The following ETV6 variants were observed in gnomAD, a reference collection of about 807,000 sequenced individuals.
The protein encoded by ETV6 is ETS variant transcription factor 6.
Under a neutral mutation model 51.1 loss-of-function variants are expected in ETV6, and 16 were observed. The ratio of observed to expected loss-of-function variants is 0.31; its 90% confidence interval spans 0.21 to 0.48. The LOEUF (loss-of-function observed/expected upper bound fraction) is 0.48, where lower values mean the gene tolerates loss of function less well. Ranked by LOEUF, ETV6 falls within the 20% of genes least tolerant of loss-of-function variation. The pLI is 0.99. For missense variants in ETV6, 458 were observed against 594.8 expected (o/e 0.77, Z 2.39); for synonymous variants, 240 against 224.1 (o/e 1.07, Z -0.64).
chr12:11,768,838 A>G (rs1945200460), intron 2 of ETV6: 2 of 444,752 alleles, frequency 4.5e-6, no homozygotes, highest in Non-Finnish European at 9.0e-6. Context: ...AAATCTGCCT[A>G]CCACATTCCA....
intron 1 of ETV6, among the ~76,000 whole-genome samples, chr12:11,664,973 G>T (rs749021948): frequency 6.6e-6 from 1 of 152,134 alleles, no homozygotes; most frequent in Admixed American, 6.5e-5. Flanking sequence ...GCCCTTTACT[G>T]CCTACCTTTC....
chr12:11,815,712 A>G (rs1374032614), intron 2 of ETV6, among the ~76,000 whole-genome samples: 1 of 152,244 alleles, frequency 6.6e-6, no homozygotes, highest in Non-Finnish European at 1.5e-5. Context: ...CAGGGCAGAA[A>G]GACATCCAGG....
intron 2 of ETV6, among the ~76,000 whole-genome samples, chr12:11,763,857 C>T (rs762427750): frequency 1.3e-5 from 2 of 152,188 alleles, no homozygotes; most frequent in Admixed American, 6.5e-5. Context: ...AAGTGGCTGC[C>T]TTCTAAACCT....
intron 4 of ETV6, among the ~76,000 whole-genome samples, chr12:11,866,230 C>G (rs1477455499): frequency 6.6e-6 from 1 of 151,926 alleles, no homozygotes; most frequent in Non-Finnish European, 1.5e-5. Context: ...CTTTTGGCAG[C>G]CTGTATGTGT....
intron 2 of ETV6, among the ~76,000 whole-genome samples, chr12:11,824,081 C>G (rs2136440378): frequency 6.6e-6 from 1 of 152,278 alleles, no homozygotes; most frequent in Admixed American, 6.5e-5. Flanking sequence ...TATGAGACAC[C>G]AAAGGGGCTC....
At chr12:11,694,848 A>G (rs1377456208) in intron 1 of ETV6, among the ~76,000 whole-genome samples, 1 of 152,122 alleles carries the variant, frequency 6.6e-6, no homozygotes, top group African/African-American at 2.4e-5. Flanking sequence ...TCCTCTCTTT[A>G]AGGAGCTAGG....
At chr12:11,666,439 G>A (rs962439212) in intron 1 of ETV6, among the ~76,000 whole-genome samples, 3 of 152,150 alleles carry the variant, frequency 2.0e-5, no homozygotes, top group Non-Finnish European at 2.9e-5. Flanking sequence ...TATGTCTTAC[G>A]GATGGTAGGA....
At chr12:11,851,741 C>T (rs1946559042) in intron 3 of ETV6, among the ~76,000 whole-genome samples, 1 of 152,186 alleles carries the variant, frequency 6.6e-6, no homozygotes, top group Admixed American at 6.5e-5. Flanking sequence ...ATACTAACAG[C>T]AACCAAATTT....
chr12:11,782,428 T>A (rs1041404866), intron 2 of ETV6, among the ~76,000 whole-genome samples: 5 of 152,206 alleles, frequency 3.3e-5, no homozygotes, highest in African/African-American at 1.2e-4. Context: ...AGCTGAAACG[T>A]TATCTGAAAT....
intron 2 of ETV6, among the ~76,000 whole-genome samples, chr12:11,821,305 A>G (rs896967122): frequency 6.6e-6 from 1 of 152,112 alleles, no homozygotes; most frequent in Admixed American, 6.6e-5. Flanking sequence ...GGTGGAGCTT[A>G]CAGTGAGCCG....
At chr12:11,717,556 C>T (rs772355080) in intron 1 of ETV6, among the ~76,000 whole-genome samples, 15 of 152,248 alleles carry the variant, frequency 9.9e-5, no homozygotes, top group Middle Eastern at 3.4e-3. Flanking sequence ...AAGGAACATC[C>T]GTCCATCTCT....
At chr12:11,851,621 C>T (rs1946556298) in intron 3 of ETV6, among the ~76,000 whole-genome samples, 1 of 152,224 alleles carries the variant, frequency 6.6e-6, no homozygotes, top group African/African-American at 2.4e-5. Flanking sequence ...GACACCTCTG[C>T]ATCTTCCTGC....
At chr12:11,726,871 T>C (rs112252228) in intron 1 of ETV6, among the ~76,000 whole-genome samples, 4,009 of 152,314 alleles carry the variant, frequency 0.026, 168 homozygotes, top group African/African-American at 0.091. Flanking sequence ...CACACTGCAG[T>C]GTAAGCCATC....
chr12:11,788,925 C>T (rs1945532508), intron 2 of ETV6, among the ~76,000 whole-genome samples: 1 of 151,926 alleles, frequency 6.6e-6, no homozygotes, highest in African/African-American at 2.4e-5. Flanking sequence ...TATATAAGTG[C>T]CATTTGAAGC....
intron 1 of ETV6, among the ~76,000 whole-genome samples, chr12:11,719,625 C>T (rs565454655): frequency 7.4e-4 from 113 of 152,312 alleles, no homozygotes; most frequent in African/African-American, 2.6e-3. Flanking sequence ...CAAGAGGCCT[C>T]GATGTCTCTC....
chr12:11,776,663 A>G (rs1945330742), intron 2 of ETV6, among the ~76,000 whole-genome samples: 1 of 152,232 alleles, frequency 6.6e-6, no homozygotes, highest in African/African-American at 2.4e-5. Context: ...GAGGCTACAT[A>G]TGGAAGTGAA....
chr12:11,771,586 A>G (rs1302593300), intron 2 of ETV6, among the ~76,000 whole-genome samples: 2 of 152,036 alleles, frequency 1.3e-5, no homozygotes, highest in Non-Finnish European at 2.9e-5. Context: ...GCCAATGACA[A>G]CTCTACACTA....
intron 1 of ETV6, among the ~76,000 whole-genome samples, chr12:11,652,956 G>A (rs1221919867): frequency 6.6e-6 from 1 of 152,110 alleles, no homozygotes. Flanking sequence ...TAGAAGAGAG[G>A]TTGACTACTC....
At chr12:11,742,803 T>C (rs1865834302) in intron 1 of ETV6, among the ~76,000 whole-genome samples, 1 of 37,108 alleles carries the variant, frequency 2.7e-5, no homozygotes, top group African/African-American at 5.0e-5. Flanking sequence ...TTTTCTTTCT[T>C]TCTTTTTTTT....
Sources: allele counts gnomAD v4.1 joint callset (sites outside exome capture counted in the v4.1 genomes callset), GRCh38; gene constraint gnomAD v4.1.1; transcripts MANE v1.5; gene names NCBI Gene and HGNC (gene_info 2026-07-23, HGNC 2026-07-21).